The following PPFIA2 variants were observed in gnomAD, a reference collection of about 807,000 sequenced individuals.
PPFIA2 encodes the protein liprin-alpha-2.
PPFIA2 carries 46 observed loss-of-function variants against 175.5 expected under a neutral mutation model. The ratio of observed to expected loss-of-function variants is 0.26; its 90% CI spans 0.21 to 0.34. The LOEUF is 0.34. Among genes scored for constraint, PPFIA2 ranks in the 10% least tolerant of loss-of-function variants. The pLI, the probability that PPFIA2 is intolerant of heterozygous loss-of-function variation, is 1.00. For synonymous variants in PPFIA2, 568 were observed against 511.4 expected, an observed-to-expected ratio of 1.11 and a Z score of -1.49; for missense variants, 1,179 against 1,506.1, an observed-to-expected ratio of 0.78 and a Z score of 3.60.
chr12:81,398,110 C>G (rs2041476378), intron 8 of PPFIA2, among the ~76,000 whole-genome samples: 1 of 151,954 alleles, frequency 6.6e-6, no homozygotes, highest in Admixed American at 6.6e-5. Flanking sequence ...CATCCTGAAA[C>G]CATCCCCAAC....
intron 3 of PPFIA2, among the ~76,000 whole-genome samples, chr12:81,703,866 T>A (rs964908691): frequency 1.3e-5 from 2 of 152,118 alleles, no homozygotes; most frequent in Admixed American, 6.5e-5. Flanking sequence ...AAGGCAATTG[T>A]TTATTAATCC....
intron 3 of PPFIA2, among the ~76,000 whole-genome samples, chr12:81,745,840 T>G (rs1196771161): frequency 6.6e-6 from 1 of 152,206 alleles, no homozygotes; most frequent in Non-Finnish European, 1.5e-5. Context: ...GGAAACCTGT[T>G]AAGCTCTCTG....
chr12:81,363,335 T>C (rs972136322), intron 14 of PPFIA2, among the ~76,000 whole-genome samples: 2 of 151,434 alleles, frequency 1.3e-5, no homozygotes, highest in Non-Finnish European at 3.0e-5. Context: ...ACTCTGTCAC[T>C]GAGGCTGGAG....
intron 7 of PPFIA2, 102 bp from the exon 8 acceptor site, chr12:81,406,005 C>G (rs555688442): frequency 1.7e-6 from 1 of 585,462 alleles, no homozygotes; most frequent in South Asian, 2.5e-5. Context: ...TGAACACTAA[C>G]AAATAACCAG....
At chr12:81,397,830 T>C (rs974888674) in intron 8 of PPFIA2, among the ~76,000 whole-genome samples, 2 of 152,006 alleles carry the variant, frequency 1.3e-5, no homozygotes, top group Non-Finnish European at 2.9e-5. Context: ...GTCTGAGCTC[T>C]ACTTTCTGTA....
At chr12:81,549,368 A>C (rs1382966341) in intron 4 of PPFIA2, among the ~76,000 whole-genome samples, 1 of 152,100 alleles carries the variant, frequency 6.6e-6, no homozygotes, top group Non-Finnish European at 1.5e-5. Context: ...TCTACTTTTA[A>C]GATACATAAT....
At chr12:81,415,719 A>G (rs1213801112) in intron 7 of PPFIA2, among the ~76,000 whole-genome samples, 2 of 150,744 alleles carry the variant, frequency 1.3e-5, no homozygotes, top group East Asian at 3.9e-4. Flanking sequence ...AAAAAAAATC[A>G]AATATATTCT....
chr12:81,277,550 T>G, intron 27 of PPFIA2, 136 bp from the exon 28 acceptor site: 1 of 907,206 alleles, frequency 1.1e-6, no homozygotes, highest in Non-Finnish European at 1.5e-6. Context: ...TGCAGCCAAA[T>G]CCTTCAGTAT....
At chr12:81,716,152 G>A (rs2078590462) in intron 3 of PPFIA2, among the ~76,000 whole-genome samples, 1 of 151,542 alleles carries the variant, frequency 6.6e-6, no homozygotes, top group Non-Finnish European at 1.5e-5. Flanking sequence ...TACATATAAT[G>A]TAGAATAACA....
chr12:81,526,822 C>T (rs1027401140), intron 4 of PPFIA2, among the ~76,000 whole-genome samples: 4 of 152,094 alleles, frequency 2.6e-5, no homozygotes, highest in Admixed American at 6.5e-5. Context: ...GTTTAGTTTG[C>T]ATATCATTGA....
At chr12:81,404,372 C>A (rs1021673423) in intron 8 of PPFIA2, among the ~76,000 whole-genome samples, 1 of 152,074 alleles carries the variant, frequency 6.6e-6, no homozygotes, top group African/African-American at 2.4e-5. Context: ...AATTGTGATT[C>A]TATAATTCTC....
In PPFIA2 at chr12:81,668,351, C is replaced by T. The variant is rs190308028; in HGVS notation, c.303+8440G>A. Among the ~76,000 whole-genome samples, 3 of 152,020 alleles carry T rather than the reference C, an allele frequency of 2.0e-5. No individual in the cohort carries two copies. In the East Asian group the frequency reaches 5.8e-4, roughly 30 times the overall value. ...CTTACTGCTATTCTTTCTCACTGGC[C>T]TAATTTAGGTTAGCTTAACCAGACT... On this transcript the variant is annotated intron_variant, in intron 4 of 32. Transcript: ENST00000549396.
intron 4 of PPFIA2, among the ~76,000 whole-genome samples, chr12:81,630,137 T>C (rs2063201580): frequency 6.6e-6 from 1 of 151,992 alleles, no homozygotes; most frequent in Non-Finnish European, 1.5e-5. Context: ...TTCCTTAGAG[T>C]CTCCAGTGGA....
At chr12:81,273,678 C>T (rs2039756367) in intron 28 of PPFIA2, among the ~76,000 whole-genome samples, 1 of 152,140 alleles carries the variant, frequency 6.6e-6, no homozygotes, top group Admixed American at 6.5e-5. Flanking sequence ...CATCTCTCTA[C>T]TTAACTCCTT....
chr12:81,494,790 T>C (rs918378177), intron 4 of PPFIA2, among the ~76,000 whole-genome samples: 5 of 151,790 alleles, frequency 3.3e-5, no homozygotes, highest in Admixed American at 2.6e-4. Context: ...CCATGTCCTT[T>C]GTAGGGACAT....
chr12:81,294,789 CT>C, intron 24 of PPFIA2, 45 bp downstream of exon 24: 1 of 1,572,940 alleles, frequency 6.4e-7, no homozygotes, highest in Non-Finnish European at 8.7e-7. Flanking sequence ...AGACACACGG[CT>C]ATTTGCCTAG....
At chr12:81,364,434 A>C (rs1482808671) in intron 14 of PPFIA2, among the ~76,000 whole-genome samples, 1 of 151,736 alleles carries the variant, frequency 6.6e-6, no homozygotes, top group Non-Finnish European at 1.5e-5. Context: ...CTGAAACTGG[A>C]GTGCAGTTCT....
intron 7 of PPFIA2, among the ~76,000 whole-genome samples, chr12:81,414,824 C>T (rs144110233): frequency 1.3e-4 from 19 of 151,580 alleles, no homozygotes; most frequent in African/African-American, 4.3e-4. Context: ...AAGCAACTTT[C>T]AGTCACAATA....
chr12:81,569,711 T>C (rs2072110973), intron 4 of PPFIA2, among the ~76,000 whole-genome samples: 1 of 152,168 alleles, frequency 6.6e-6, no homozygotes, highest in African/African-American at 2.4e-5. Context: ...TATATAATAA[T>C]ACCAATAGCT....
Sources: gnomAD v4.1 joint callset for allele counts (sites outside exome capture counted in the v4.1 genomes callset) on GRCh38, gnomAD v4.1.1 for gene constraint, MANE v1.5 for transcripts, NCBI Gene and HGNC (gene_info 2026-07-23, HGNC 2026-07-21) for gene names.